APBA1: variants seen among roughly 807,000 people sequenced by gnomAD.
APBA1 encodes amyloid beta precursor protein binding family A member 1, also known as amyloid-beta A4 precursor protein-binding family A member 1.
A neutral mutation model predicts 86.6 loss-of-function variants in APBA1; 55 were observed. That is an observed-to-expected ratio of 0.64 (90% CI 0.51 to 0.80). The LOEUF is 0.80. Among genes scored for constraint, APBA1 ranks in the 30% least tolerant of loss-of-function variants. The probability of loss-of-function intolerance (pLI) is 0.00; values close to 1 mark genes in which losing one functional copy is unlikely to be tolerated. For synonymous variants in APBA1, 511 were observed against 493.9 expected (o/e 1.03, Z -0.46); for missense variants, 1,090 against 1,183.0 (o/e 0.92, Z 1.15).
chr9:69,604,502 G>A (rs1293985609), intron 1 of APBA1, among the ~76,000 whole-genome samples: 1 of 146,266 alleles, frequency 6.8e-6, no homozygotes, highest in African/African-American at 2.6e-5. Flanking sequence ...AGGCACATGA[G>A]TGTGGGCACA....
chr9:69,583,303 T>C (rs1200351958), intron 1 of APBA1, among the ~76,000 whole-genome samples: 1 of 152,188 alleles, frequency 6.6e-6, no homozygotes, highest in Non-Finnish European at 1.5e-5. Flanking sequence ...GTCCGCTCTA[T>C]GTGAGCCCCT....
chr9:69,533,748 T>A (rs1302800038), intron 1 of APBA1, among the ~76,000 whole-genome samples: 1 of 152,246 alleles, frequency 6.6e-6, no homozygotes, highest in Non-Finnish European at 1.5e-5. Flanking sequence ...TTCAATACTA[T>A]CAGTTCACTG....
chr9:69,612,326 A>C (rs1175565359), intron 1 of APBA1, among the ~76,000 whole-genome samples: 1 of 152,072 alleles, frequency 6.6e-6, no homozygotes, highest in Non-Finnish European at 1.5e-5. Context: ...AATTAGGGAA[A>C]TGTAAGTGGG....
intron 1 of APBA1, among the ~76,000 whole-genome samples, chr9:69,584,056 A>C (rs1160379849): frequency 6.6e-6 from 1 of 152,242 alleles, no homozygotes; most frequent in Non-Finnish European, 1.5e-5. Context: ...TAATCTCTCC[A>C]GCTGTGAGCC....
chr9:69,658,342 CTTTCTTTCTTTCTTTCTGTG>C (rs1281157189), intron 1 of APBA1, among the ~76,000 whole-genome samples: 1 of 139,226 alleles, frequency 7.2e-6, no homozygotes, highest in African/African-American at 2.8e-5. Context: ...TTCTTTCTTT[CTTTCTTTCTTTCTTTCTGTG>C]TTTCTCTGTC....
rs1048918359 is a variant in APBA1 at position 69,555,096 on chromosome 9, A to C, written c.-69-37817T>G. On this transcript the variant is annotated intron_variant, in intron 1 of 12. Coordinates refer to ENST00000265381, the MANE Select transcript of APBA1 (RefSeq NM_001163.4). ...TGGCAGACAAGAGCATTGCAACATCAGAAAGTCATTTTGCTTGGAGACGGT... is the reference window on the plus strand; with the variant it reads ...TGGCAGACAAGAGCATTGCAACATCCGAAAGTCATTTTGCTTGGAGACGGT... Among the ~76,000 whole-genome samples, 6 of 152,340 alleles carry C rather than the reference A, an allele frequency of 3.9e-5. No homozygotes were observed. In the South Asian group the frequency reaches 1.2e-3, roughly 32 times the overall value.
At chr9:69,472,232 A>T (rs1835377593) in intron 3 of APBA1, among the ~76,000 whole-genome samples, 1 of 152,252 alleles carries the variant, frequency 6.6e-6, no homozygotes, top group South Asian at 2.1e-4. Flanking sequence ...ATTGTGTGTT[A>T]TCTGAATAAG....
At chr9:69,642,564 T>C (rs1008129694) in intron 1 of APBA1, among the ~76,000 whole-genome samples, 2 of 152,158 alleles carry the variant, frequency 1.3e-5, no homozygotes, top group African/African-American at 4.8e-5. Context: ...GTTAATTTTA[T>C]GAATTAAATT....
intron 11 of APBA1, among the ~76,000 whole-genome samples, chr9:69,439,745 A>G (rs1339938810): frequency 2.0e-5 from 3 of 152,158 alleles, no homozygotes; most frequent in South Asian, 2.1e-4. Flanking sequence ...CCTTTAGCTC[A>G]GAGTAGTTTG....
intron 1 of APBA1, among the ~76,000 whole-genome samples, chr9:69,593,061 G>A (rs900600266): frequency 2.6e-5 from 4 of 152,208 alleles, no homozygotes; most frequent in African/African-American, 9.6e-5. Flanking sequence ...AAATACTGCA[G>A]AGTAATTATC....
At chr9:69,436,782 A>G (rs1399649909) in intron 11 of APBA1, among the ~76,000 whole-genome samples, 5 of 152,010 alleles carry the variant, frequency 3.3e-5, no homozygotes, top group Non-Finnish European at 5.9e-5. Flanking sequence ...TCTCCTGCCT[A>G]ATTGCCCTGG....
chr9:69,669,965 CT>C (rs1034055104), intron 1 of APBA1, among the ~76,000 whole-genome samples: 4 of 152,116 alleles, frequency 2.6e-5, no homozygotes, highest in East Asian at 1.9e-4. Flanking sequence ...AGGATGATGA[CT>C]TTTTTTTAAA....
At chr9:69,613,220 A>C (rs1242704392) in intron 1 of APBA1, among the ~76,000 whole-genome samples, 1 of 152,174 alleles carries the variant, frequency 6.6e-6, no homozygotes, top group Non-Finnish European at 1.5e-5. Context: ...TTAGAACAAC[A>C]AAGTTTTCCT....
intron 1 of APBA1, among the ~76,000 whole-genome samples, chr9:69,631,982 G>T (rs1280718071): frequency 6.6e-6 from 1 of 151,788 alleles, no homozygotes; most frequent in African/African-American, 2.4e-5. Context: ...AACCAACATG[G>T]CACATGTATA....
At chr9:69,570,980 A>G (rs1837106366) in intron 1 of APBA1, among the ~76,000 whole-genome samples, 1 of 152,170 alleles carries the variant, frequency 6.6e-6, no homozygotes, top group Admixed American at 6.5e-5. Context: ...CACTTCTTAC[A>G]TTGACAAAGT....
chr9:69,504,797 G>A (rs935241483), intron 2 of APBA1, among the ~76,000 whole-genome samples: 1 of 151,994 alleles, frequency 6.6e-6, no homozygotes, highest in Non-Finnish European at 1.5e-5. Flanking sequence ...CATGTCCCCA[G>A]TTTCAGTGCT....
At chr9:69,626,774 TC>T (rs1822942766) in intron 1 of APBA1, among the ~76,000 whole-genome samples, 1 of 152,122 alleles carries the variant, frequency 6.6e-6, no homozygotes, top group Non-Finnish European at 1.5e-5. Flanking sequence ...TATGTTCATG[TC>T]CTAAGGCACA....
chr9:69,588,568 A>G (rs180760391), intron 1 of APBA1, among the ~76,000 whole-genome samples: 1 of 152,198 alleles, frequency 6.6e-6, no homozygotes, highest in Non-Finnish European at 1.5e-5. Flanking sequence ...TGGAGAGGAA[A>G]ATAATCAGCA....
In APBA1 at chr9:69,471,670, G is replaced by T. The variant is rs1481335256; in HGVS notation, c.1322C>A (p.Pro441Gln). The T allele has an allele frequency of 1.2e-6, 2 of 1,613,514 alleles. No individual in the cohort carries two copies. The highest frequency in any genetic ancestry group is 2.2e-5 in the South Asian group (2 of 91,044). ...TCAGCTCTTACCTTCAACGTAGGTTGGGAATGAAGCCAAGCTTTTTCTTGA... is the reference window on the plus strand; with the variant it reads ...TCAGCTCTTACCTTCAACGTAGGTTTGGAATGAAGCCAAGCTTTTTCTTGA... The part of the protein sequence containing the change: ...KESRKSLASF[P>Q]TYVEVPGPCD... Residue 441 changes from proline to glutamine, a missense_variant, in exon 4 of 13, where the codon CCA (proline) becomes CAA (glutamine). Around this residue, in one of 6 missense-constraint regions of APBA1, gnomAD observed 76 missense variants for 122.2 expected, o/e 0.62. Transcript: ENST00000265381.
Sources: allele counts gnomAD v4.1 joint callset (sites outside exome capture counted in the v4.1 genomes callset), GRCh38; gene constraint gnomAD v4.1.1; regional missense constraint gnomAD v4.1.1; transcripts MANE v1.5; gene names NCBI Gene and HGNC (gene_info 2026-07-23, HGNC 2026-07-21).